The following PTCHD1 variants were observed in gnomAD, a reference collection of about 807,000 sequenced individuals.
The protein encoded by PTCHD1 is patched domain containing 1.
Under a neutral mutation model 34.6 loss-of-function variants are expected in PTCHD1, and 3 were observed. The ratio of observed to expected loss-of-function variants is 0.09; its 90% confidence interval spans 0.04 to 0.22. The LOEUF (loss-of-function observed/expected upper bound fraction) is 0.22. Among genes scored for constraint, PTCHD1 ranks in the 10% least tolerant of loss-of-function variants. The pLI, the probability that PTCHD1 is intolerant of heterozygous loss-of-function variation, is 1.00. For synonymous variants in PTCHD1, 305 were observed against 283.1 expected, an observed-to-expected ratio of 1.08 and a Z score of -0.77; for missense variants, 504 against 685.5, an observed-to-expected ratio of 0.74 and a Z score of 2.96.
intron 1 of PTCHD1, among the ~76,000 whole-genome samples, chrX:23,347,542 G>C (rs919447053): frequency 8.9e-6 from 1 of 112,226 alleles, no homozygotes; most frequent in Admixed American, 9.4e-5. Context: ...AATCTTCCCT[G>C]TAAAGTCCTG....
rs1922909259 is a variant in PTCHD1 at position 23,394,156 on chromosome X, C to T, written c.2638C>T (p.Arg880Cys). Residue 880 changes from arginine (R) to cysteine (C), a missense_variant, in exon 3 of 3, where the codon CGT becomes TGT. Arg to Cys is a radical substitution (Grantham distance 180). Transcript: ENST00000379361. ...AGAAATGGTAGATATCGATAGTACC[C>T]GTGTGGTTGACCAAATTACAACAGT... ...CVEMVDIDST[R>C]VVDQITTV is the part of the protein sequence containing the mutation. The T allele has an allele frequency of 1.7e-6, 2 of 1,204,105 alleles. No individual in the cohort carries two copies. The highest frequency in any genetic ancestry group is 2.2e-6 in the Non-Finnish European group (2 of 891,777).
chrX:23,360,912 T>TAGTC (rs1270934806), intron 1 of PTCHD1, among the ~76,000 whole-genome samples: 7 of 112,246 alleles, frequency 6.2e-5, no homozygotes, highest in Non-Finnish European at 1.3e-4. Context: ...ATTTACCCAG[T>TAGTC]AGTCGTTCAA....
At chrX:23,339,733 A>G (rs1392904701) in intron 1 of PTCHD1, among the ~76,000 whole-genome samples, 1 of 112,303 alleles carries the variant, frequency 8.9e-6, no homozygotes, top group Non-Finnish European at 1.9e-5. Context: ...GGATCAGCAA[A>G]TTTCAGCCTA....
In PTCHD1 at chrX:23,392,780, A is replaced by C. The variant is rs1266840390; in HGVS notation, c.1262A>C (p.Tyr421Ser). 2 of 1,211,496 alleles carry C rather than the reference A, an allele frequency of 1.7e-6. No individual in the cohort carries two copies. Among genetic ancestry groups the C allele is most frequent in the Admixed American group, 4.3e-5 (2 of 46,044 alleles). Residue 421 changes from tyrosine (Y) to serine (S), a missense_variant, in exon 3 of 3, where the codon TAT becomes TCT. By Grantham distance (144) the Tyr-to-Ser change is moderately radical. Coordinates refer to ENST00000379361, the MANE Select transcript of PTCHD1 (RefSeq NM_173495.3). ...FFNYLYVLSF[Y>S]GSSLVFTGYI... ...AACTACCTCTATGTACTCTCGTTTTATGGTTCCAGCCTAGTGTTCACTGGC... is the reference window on the plus strand; with the variant it reads ...AACTACCTCTATGTACTCTCGTTTTCTGGTTCCAGCCTAGTGTTCACTGGC...
At chrX:23,376,973 G>A (rs1264220726) in intron 1 of PTCHD1, among the ~76,000 whole-genome samples, 1 of 111,859 alleles carries the variant, frequency 8.9e-6, no homozygotes, top group Non-Finnish European at 1.9e-5. Flanking sequence ...GTAGTACGCG[G>A]GTTAACATGG....
chrX:23,349,338 A>G (rs958397224), intron 1 of PTCHD1, among the ~76,000 whole-genome samples: 2 of 112,205 alleles, frequency 1.8e-5, no homozygotes, highest in Admixed American at 1.9e-4. Context: ...TGAATGGTAT[A>G]AATATACAAA....
In PTCHD1 at chrX:23,399,705, A is replaced by C. The variant is rs1453892712; in HGVS notation, c.*5520A>C. On this transcript the variant is annotated 3_prime_UTR_variant, in exon 3 of 3. Transcript: ENST00000379361. ...ATTCATTTCTTTATTCTGCAAATGT[A>C]TTTTCAGTGCCAATTCATGTTCTAG... The C allele has an allele frequency of 8.9e-6, 1 of 112,076 alleles. No homozygotes were observed. Among genetic ancestry groups the C allele is most frequent in the Non-Finnish European group, 1.9e-5 (1 of 53,224 alleles). 9.2% of individuals were successfully genotyped at this position (112,076 alleles called of 1,213,427 possible).
At chrX:23,341,974 A>G (rs1230070038) in intron 1 of PTCHD1, among the ~76,000 whole-genome samples, 1 of 110,615 alleles carries the variant, frequency 9.0e-6, no homozygotes, top group Non-Finnish European at 1.9e-5. Context: ...ATGTAAGTGC[A>G]GTCGGTTATC....
chrX:23,379,574 AT>A lies in PTCHD1; in HGVS notation c.352-10del, dbSNP rs755361874. ...AAATATTTGATTAATAAATGCTGTC[AT>A]TTTTTTCCCCCACAGTTGCATGCTG... On this transcript the variant is annotated splice_polypyrimidine_tract_variant and intron_variant, in intron 1 of 2. Coordinates refer to ENST00000379361, the MANE Select transcript of PTCHD1 (RefSeq NM_173495.3). 8.4e-5 allele frequency: 101 copies of A among 1,206,751 alleles called. No individual in the cohort carries two copies. Among genetic ancestry groups the A allele is most frequent in the African/African-American group, 2.3e-4 (13 of 57,103 alleles).
intron 1 of PTCHD1, among the ~76,000 whole-genome samples, chrX:23,358,547 G>A (rs1401372803): frequency 2.7e-5 from 3 of 111,517 alleles, no homozygotes; most frequent in African/African-American, 9.8e-5. Context: ...CTGGATATTA[G>A]CCCTTTGTCA....
chrX:23,403,098 T>G lies in PTCHD1; in HGVS notation c.*8913T>G, dbSNP rs1923163148. On this transcript the variant is annotated 3_prime_UTR_variant, in exon 3 of 3. Transcript: ENST00000379361. ...AAGTTCCTGAAATTGCATATTACATTGTAAAGTTTTGGGCTAAATCACAAT... is the reference window on the plus strand; with the variant it reads ...AAGTTCCTGAAATTGCATATTACATGGTAAAGTTTTGGGCTAAATCACAAT... The G allele has an allele frequency of 8.9e-6, 1 of 112,604 alleles. No individual in the cohort carries two copies. Among genetic ancestry groups the G allele is most frequent in the African/African-American group, 3.2e-5 (1 of 31,041 alleles). 9.3% of individuals were successfully genotyped at this position (112,604 alleles called of 1,213,427 possible). A position where few individuals can be genotyped will look rare whatever the true frequency, so the allele number is the denominator to read the frequency against.
rs758838557 is a variant in PTCHD1, at chrX:23,380,256, TTAC to T, written c.1012+10_1012+12del. The stretch of plus-strand genomic sequence containing the variant: ...GAGTCCCTTTCGTCATGCTAGGTAA[TTAC>T]TACTCTTCTTTCTTCTGTTTCCGCC... On this transcript the variant is annotated splice_donor_region_variant and intron_variant, in intron 2 of 2. Transcript: ENST00000379361. 9.2e-6 allele frequency: 11 copies of T among 1,200,982 alleles called. No homozygotes were observed. Among genetic ancestry groups the T allele is most frequent in the Non-Finnish European group, 1.2e-5 (11 of 887,962 alleles).
intron 1 of PTCHD1, among the ~76,000 whole-genome samples, chrX:23,371,601 G>A (rs1247617231): frequency 9.0e-6 from 1 of 111,317 alleles, no homozygotes; most frequent in Admixed American, 9.5e-5. Context: ...GATATGATAT[G>A]TGCACTGAAG....
At chrX:23,380,446 T>G (rs1922532554) in intron 2 of PTCHD1, 195 bp downstream of exon 2, 1 of 498,446 alleles carries the variant, frequency 2.0e-6, no homozygotes, top group African/African-American at 2.3e-5. Context: ...GTGCCAGAAG[T>G]TCAAAGTCCT....
At chrX:23,351,897 G>T (rs1335658105) in intron 1 of PTCHD1, among the ~76,000 whole-genome samples, 1 of 111,969 alleles carries the variant, frequency 8.9e-6, no homozygotes, top group Non-Finnish European at 1.9e-5. Flanking sequence ...AATGCAAAGG[G>T]TTTATTAAAG....
rs780516562 is a variant in PTCHD1 at position 23,398,456 on chromosome X, G to A, written c.*4271G>A. The stretch of plus-strand genomic sequence containing the variant: ...TGATCTTTGAAAAAAACAGATACAG[G>A]CACTTGCTTTTGGGGATGGGGAAGG... On this transcript the variant is annotated 3_prime_UTR_variant, in exon 3 of 3. Coordinates refer to ENST00000379361, the MANE Select transcript of PTCHD1 (RefSeq NM_173495.3). The A allele has an allele frequency of 9.0e-6, 1 of 111,205 alleles. No homozygotes were observed. The highest frequency in any genetic ancestry group is 2.8e-4 in the East Asian group (1 of 3,529). The allele number at this position is 111,205 out of a possible 1,213,427, so 9.2% of individuals were successfully genotyped here. A position where few individuals can be genotyped will look rare whatever the true frequency, so the allele number is the denominator to read the frequency against.
At chrX:23,371,992 T>A (rs1044251392) in intron 1 of PTCHD1, among the ~76,000 whole-genome samples, 1 of 111,194 alleles carries the variant, frequency 9.0e-6, no homozygotes, top group African/African-American at 3.3e-5. Context: ...TTGTTATGTG[T>A]TCCAGGCACT....
In PTCHD1 at chrX:23,387,549, T is replaced by C. The variant is rs758830188; in HGVS notation, c.1013-4982T>C. 2.7e-5 allele frequency among the ~76,000 whole-genome samples: 3 copies of C among 112,301 alleles called. No homozygotes were observed. In the East Asian group the frequency reaches 8.3e-4, roughly 31 times the overall value. Reference sequence around the variant, plus strand: ...TTCTTTAGTATTTTATTTTATTAGATGACAACCCCAAAGTGTACTGCAAAT... The same window carrying C: ...TTCTTTAGTATTTTATTTTATTAGACGACAACCCCAAAGTGTACTGCAAAT... On this transcript the variant is annotated intron_variant, in intron 2 of 2. Coordinates refer to ENST00000379361, the MANE Select transcript of PTCHD1 (RefSeq NM_173495.3).
rs1372880116 is a variant in PTCHD1 at position 23,400,113 on chromosome X, A to T, written c.*5928A>T. 8.9e-6 allele frequency: 1 copy of T among 112,027 alleles called. No homozygotes were observed. The highest frequency in any genetic ancestry group is 1.9e-5 in the Non-Finnish European group (1 of 53,235). 9.2% of individuals were successfully genotyped at this position (112,027 alleles called of 1,213,427 possible). A position where few individuals can be genotyped will look rare whatever the true frequency, so the allele number is the denominator to read the frequency against. On this transcript the variant is annotated 3_prime_UTR_variant, in exon 3 of 3. Coordinates refer to ENST00000379361, the MANE Select transcript of PTCHD1 (RefSeq NM_173495.3). ...CTACTCTCAAAACAAGTATGGAGAG[A>T]ATAAGTCTCATTCATCTCGTTAATA...
Sources: gnomAD v4.1 joint callset for allele counts (sites outside exome capture counted in the v4.1 genomes callset) on GRCh38, gnomAD v4.1.1 for gene constraint, MANE v1.5 for transcripts, NCBI Gene and HGNC (gene_info 2026-07-23, HGNC 2026-07-21) for gene names.